The following ZNF710 variants were observed in gnomAD, a reference collection of about 807,000 sequenced individuals.
ZNF710 encodes zinc finger protein 710.
In ZNF710, 13 loss-of-function variants were observed where a neutral mutation model predicts 50.6. The observed-to-expected ratio is 0.26, with a 90% CI of 0.17 to 0.41. The LOEUF (loss-of-function observed/expected upper bound fraction) is 0.41. Ranked by LOEUF, ZNF710 falls within the 10% of genes least tolerant of loss-of-function variation. The probability of loss-of-function intolerance (pLI) is 1.00; values close to 1 mark genes in which losing one functional copy is unlikely to be tolerated. For synonymous variants in ZNF710, 383 were observed against 397.0 expected (o/e 0.96, Z 0.42); for missense variants, 721 against 936.6 (o/e 0.77, Z 3.01).
intron 1 of ZNF710, among the ~76,000 whole-genome samples, chr15:90,041,445 G>A (rs1036622494): frequency 6.6e-6 from 1 of 152,060 alleles, no homozygotes; most frequent in Non-Finnish European, 1.5e-5. Context: ...CCTCCCTTGG[G>A]CTCTTAAAAG....
intron 1 of ZNF710, among the ~76,000 whole-genome samples, chr15:90,044,418 A>C (rs527848793): frequency 6.8e-6 from 1 of 147,698 alleles, no homozygotes; most frequent in South Asian, 2.1e-4. Context: ...AACATGACAC[A>C]GGGGCTGAGT....
At chr15:90,045,288 AG>A (rs1365267442) in intron 1 of ZNF710, 3 of 977,984 alleles carry the variant, frequency 3.1e-6, no homozygotes, top group Non-Finnish European at 3.6e-6. Flanking sequence ...CAGTGACCTC[AG>A]AGCTTGAGCC....
intron 1 of ZNF710, among the ~76,000 whole-genome samples, chr15:90,003,017 G>C (rs1309768246): frequency 6.6e-6 from 1 of 152,178 alleles, no homozygotes; most frequent in Non-Finnish European, 1.5e-5. Flanking sequence ...GGGACTACAG[G>C]CGCACGCCAC....
chr15:90,074,574 T>G, intron 4 of ZNF710: 1 of 1,316,514 alleles, frequency 7.6e-7, no homozygotes, highest in Non-Finnish European at 1.0e-6. Context: ...TATTAACTCA[T>G]GTGATCCTCA....
At chr15:90,038,707 C>CTGTGTGTGTGTGTGTGTGTGTGTGTG (rs144152063) in intron 1 of ZNF710, among the ~76,000 whole-genome samples, 4 of 143,578 alleles carry the variant, frequency 2.8e-5, no homozygotes, top group East Asian at 4.2e-4. Context: ...CCTCCCTGCT[C>CTGTGTGTGTGTGTGTGTGTGTGTGTG]TGTGTGTGTG....
intron 1 of ZNF710, among the ~76,000 whole-genome samples, chr15:90,038,667 G>A (rs183813428): frequency 1.2e-4 from 18 of 150,306 alleles, no homozygotes; most frequent in Non-Finnish European, 2.5e-4. Flanking sequence ...TGGGTGTTGC[G>A]TTTCTTTACC....
At chr15:90,039,948 C>T (rs1899248089) in intron 1 of ZNF710, among the ~76,000 whole-genome samples, 1 of 38,132 alleles carries the variant, frequency 2.6e-5, no homozygotes, top group South Asian at 1.4e-3. Flanking sequence ...TTCATATGCT[C>T]TGCAGTTCTC....
In ZNF710 at chr15:90,034,267, T is replaced by C. The variant is rs527688606; in HGVS notation, c.-29+32653T>C. ...ACAGTCACTCCTGGAGGGGTTCTTCTGCCAGATAGAAACAAGATATCACAT... is the reference window on the plus strand; with the variant it reads ...ACAGTCACTCCTGGAGGGGTTCTTCCGCCAGATAGAAACAAGATATCACAT... On this transcript the variant is annotated intron_variant, in intron 1 of 4. Coordinates refer to ENST00000268154, the MANE Select transcript of ZNF710 (RefSeq NM_198526.4). The surrounding 1 kb of genome is among the most constrained non-coding windows in gnomAD (Gnocchi z 4.0). Among the ~76,000 whole-genome samples the C allele has an allele frequency of 2.6e-4, 40 of 152,216 alleles. No homozygotes were observed. Among genetic ancestry groups the C allele is most frequent in the Middle Eastern group, 3.4e-3 (1 of 294 alleles).
At chr15:90,069,443 G>A (rs1463916235) in intron 2 of ZNF710, among the ~76,000 whole-genome samples, 2 of 151,586 alleles carry the variant, frequency 1.3e-5, no homozygotes, top group African/African-American at 4.9e-5. Flanking sequence ...ACCCCTGCAA[G>A]ACCCAAGGAA....
chr15:90,074,335 A>G (rs766016180), intron 4 of ZNF710, 45 bp downstream of exon 4: 2 of 1,605,088 alleles, frequency 1.2e-6, no homozygotes, highest in Non-Finnish European at 1.7e-6. Context: ...TGATACCAAC[A>G]TGACGCACTC....
intron 1 of ZNF710, among the ~76,000 whole-genome samples, chr15:90,010,983 T>C (rs913662684): frequency 4.2e-5 from 6 of 142,176 alleles, no homozygotes; most frequent in Non-Finnish European, 6.0e-5. Flanking sequence ...CAGGCTGGAG[T>C]GCAATGGTGC....
intron 4 of ZNF710, chr15:90,075,161 G>A (rs28720752): frequency 0.044 from 6,769 of 153,078 alleles, 430 homozygotes; most frequent in East Asian, 0.13. Context: ...GACTGCTGTG[G>A]AGACTCCACA....
At chr15:90,054,165 G>C (rs533182132) in intron 1 of ZNF710, among the ~76,000 whole-genome samples, 113 of 152,284 alleles carry the variant, frequency 7.4e-4, no homozygotes, top group African/African-American at 2.7e-3. Context: ...GGGGGATTTG[G>C]ACTGTACACT....
chr15:90,051,163 C>T (rs966106818), intron 1 of ZNF710, among the ~76,000 whole-genome samples: 6 of 148,918 alleles, frequency 4.0e-5, no homozygotes, highest in African/African-American at 9.9e-5. Flanking sequence ...CGCTTGAACC[C>T]GAGAGGCGGA....
At chr15:90,076,177 G>C (rs891068798) in intron 4 of ZNF710, 1 of 152,262 alleles carries the variant, frequency 6.6e-6, no homozygotes, top group Admixed American at 6.5e-5. Flanking sequence ...TGGCAAATCA[G>C]CTGCATGTTG....
intron 1 of ZNF710, among the ~76,000 whole-genome samples, chr15:90,045,946 A>G (rs943769647): frequency 1.3e-5 from 2 of 152,138 alleles, no homozygotes; most frequent in Non-Finnish European, 2.9e-5. Flanking sequence ...CGGGCCTGGA[A>G]GACCCTGGGT....
intron 1 of ZNF710, among the ~76,000 whole-genome samples, chr15:90,041,589 C>T (rs1899296191): frequency 6.6e-6 from 1 of 152,196 alleles, no homozygotes; most frequent in Non-Finnish European, 1.5e-5. Flanking sequence ...GAAAGAGCTT[C>T]CCTGAACCTC....
At chr15:90,046,329 G>A (rs1252490446) in intron 1 of ZNF710, among the ~76,000 whole-genome samples, 1 of 152,210 alleles carries the variant, frequency 6.6e-6, no homozygotes, top group African/African-American at 2.4e-5. Context: ...TGAATTGCAT[G>A]TTGTTAGCAG....
At chr15:90,009,715 C>T (rs2151462418) in intron 1 of ZNF710, among the ~76,000 whole-genome samples, 1 of 152,202 alleles carries the variant, frequency 6.6e-6, no homozygotes, top group Non-Finnish European at 1.5e-5. Context: ...CCAACCCCAA[C>T]CTGTGTCACT....
Sources: allele counts gnomAD v4.1 joint callset (sites outside exome capture counted in the v4.1 genomes callset), GRCh38; gene constraint gnomAD v4.1.1; non-coding constraint Gnocchi (gnomAD v3.1); transcripts MANE v1.5; gene names NCBI Gene and HGNC (gene_info 2026-07-23, HGNC 2026-07-21).